Variants in ADGRL3 observed in about 807,000 individuals in gnomAD.
The protein encoded by ADGRL3 is calcium-independent alpha-latrotoxin receptor 3.
A neutral mutation model predicts 153.5 loss-of-function variants in ADGRL3; 62 were observed. The observed-to-expected ratio is 0.40, with a 90% CI of 0.33 to 0.50. The LOEUF (loss-of-function observed/expected upper bound fraction) is 0.50, where lower values mean the gene tolerates loss of function less well. ADGRL3 is among the 20% of genes least tolerant of loss of function. The pLI is 0.47. For missense variants in ADGRL3, 1,641 were observed against 1,859.4 expected (o/e 0.88, Z 2.16); for synonymous variants, 710 against 672.5 (o/e 1.06, Z -0.86).
At chr4:61,558,551 T>G (rs1466700525) in intron 4 of ADGRL3, among the ~76,000 whole-genome samples, 2 of 152,014 alleles carry the variant, frequency 1.3e-5, no homozygotes, top group African/African-American at 4.8e-5. Flanking sequence ...TCTAGATCTC[T>G]TTCTTTTTAA....
chr4:61,349,942 C>G (rs1281667569), intron 1 of ADGRL3, among the ~76,000 whole-genome samples: 2 of 152,126 alleles, frequency 1.3e-5, no homozygotes, highest in Non-Finnish European at 2.9e-5. Context: ...TATAAACATG[C>G]ATTAATTCTT....
At chr4:61,380,187 TCA>T (rs780436695) in intron 1 of ADGRL3, among the ~76,000 whole-genome samples, 1 of 151,998 alleles carries the variant, frequency 6.6e-6, no homozygotes, top group Non-Finnish European at 1.5e-5. Flanking sequence ...AGACACAGAC[TCA>T]CATTTTCTGT....
At chr4:61,229,057 T>A (rs1267587389) in intron 1 of ADGRL3, among the ~76,000 whole-genome samples, 1 of 152,178 alleles carries the variant, frequency 6.6e-6, no homozygotes, top group Non-Finnish European at 1.5e-5. Context: ...ACAGTAAATG[T>A]CCTTTTACTT....
intron 6 of ADGRL3, among the ~76,000 whole-genome samples, chr4:61,701,294 T>C (rs941702789): frequency 3.3e-5 from 5 of 152,138 alleles, no homozygotes; most frequent in African/African-American, 1.2e-4. Flanking sequence ...TAGAATTCTG[T>C]AAGGCAGCCT....
rs1745919285 is a variant in ADGRL3, at chr4:62,072,279, G to T, written c.*1371G>T. The T allele has an allele frequency of 6.6e-6, 1 of 152,492 alleles. No homozygotes were observed. The highest frequency in any genetic ancestry group is 1.5e-5 in the Non-Finnish European group (1 of 68,022). The allele number at this position is 152,492 out of a possible 1,614,324, so 9.4% of individuals were successfully genotyped here. A position where few individuals can be genotyped will look rare whatever the true frequency, so the allele number is the denominator to read the frequency against. ...AAATTTATTTATTTGACAGGATTTT[G>T]AGTAATGTAGGAATACAAAAGGTAA... On this transcript the variant is annotated 3_prime_UTR_variant, in exon 27 of 27. Transcript: ENST00000683033.
rs2098579351 is a variant in ADGRL3 at position 61,891,032 on chromosome 4, G to C, written c.1481-1624G>C. On this transcript the variant is annotated intron_variant, in intron 9 of 26. Coordinates refer to ENST00000683033, the MANE Select transcript of ADGRL3 (RefSeq NM_001387552.1). The stretch of plus-strand genomic sequence containing the variant: ...ACTTAATATTTTGAAATATGTTATT[G>C]AATTTTATGTTGGGATTGTGTTATA... Among the ~76,000 whole-genome samples the C allele has an allele frequency of 2.6e-5, 4 of 152,098 alleles. No homozygotes were observed. In the South Asian group the frequency reaches 8.3e-4, roughly 32 times the overall value.
intron 8 of ADGRL3, among the ~76,000 whole-genome samples, chr4:61,799,875 A>T (rs1163744020): frequency 3.5e-5 from 5 of 144,564 alleles, no homozygotes; most frequent in South Asian, 2.1e-4. Flanking sequence ...ATATATGATT[A>T]AAAAAAAAAT....
At chr4:61,877,246 G>T (rs1480853924) in intron 9 of ADGRL3, among the ~76,000 whole-genome samples, 1 of 152,178 alleles carries the variant, frequency 6.6e-6, no homozygotes, top group Non-Finnish European at 1.5e-5. Flanking sequence ...ACACAACAAC[G>T]TGGGTGGACC....
chr4:61,212,882 C>T (rs565042349), intron 1 of ADGRL3, among the ~76,000 whole-genome samples: 29 of 151,952 alleles, frequency 1.9e-4, no homozygotes, highest in Non-Finnish European at 2.8e-4. Context: ...CAAACTTTTG[C>T]GAGTATTTCT....
intron 15 of ADGRL3, among the ~76,000 whole-genome samples, chr4:61,945,678 G>A (rs1233391668): frequency 2.0e-5 from 3 of 147,974 alleles, no homozygotes; most frequent in South Asian, 2.3e-4. Flanking sequence ...CGCAATATTC[G>A]GGTGGGAGTG....
chr4:61,860,447 C>G (rs934387826), intron 9 of ADGRL3, among the ~76,000 whole-genome samples: 12 of 151,794 alleles, frequency 7.9e-5, no homozygotes, highest in African/African-American at 2.9e-4. Context: ...GAAAAATGAA[C>G]AAATTTGCCC....
rs371382597 is a variant in ADGRL3, at chr4:61,983,460, G to C, written c.3093G>C (p.Val1031=). The change falls in exon 19 of 27, where the codon GTG becomes GTC. Residue 1031 remains valine (V), a synonymous_variant. Coordinates refer to ENST00000683033, the MANE Select transcript of ADGRL3 (RefSeq NM_001387552.1). ...AAFTWMFLEG[V]QLYIMLVEVF... Reference sequence around the variant, plus strand: ...TCACCTGGATGTTCCTGGAGGGGGTGCAGCTTTATATCATGCTGGTGGAGG... The same window carrying C: ...TCACCTGGATGTTCCTGGAGGGGGTCCAGCTTTATATCATGCTGGTGGAGG... 38 of 1,613,828 alleles carry C rather than the reference G, an allele frequency of 2.4e-5. No homozygotes were observed. The highest frequency in any genetic ancestry group is 3.1e-5 in the Non-Finnish European group (36 of 1,179,884).
At chr4:61,541,523 T>G (rs561469927) in intron 4 of ADGRL3, among the ~76,000 whole-genome samples, 1 of 152,078 alleles carries the variant, frequency 6.6e-6, no homozygotes, top group South Asian at 2.1e-4. Flanking sequence ...AAATGAAGTA[T>G]TGACATTCTT....
chr4:61,470,449 A>G (rs1365147501), intron 2 of ADGRL3, among the ~76,000 whole-genome samples: 1 of 152,030 alleles, frequency 6.6e-6, no homozygotes, highest in Non-Finnish European at 1.5e-5. Flanking sequence ...GAGTAACATG[A>G]TTAAATTCTT....
intron 6 of ADGRL3, among the ~76,000 whole-genome samples, chr4:61,703,984 G>A (rs892827647): frequency 1.3e-5 from 2 of 152,078 alleles, no homozygotes; most frequent in African/African-American, 4.8e-5. Context: ...TTGCTGACCA[G>A]CATACTCTTT....
At chr4:61,221,262 T>TA (rs1325035865) in intron 1 of ADGRL3, among the ~76,000 whole-genome samples, 2 of 152,162 alleles carry the variant, frequency 1.3e-5, no homozygotes, top group African/African-American at 4.8e-5. Context: ...ACATGCATAA[T>TA]AAAATAGTAT....
intron 8 of ADGRL3, among the ~76,000 whole-genome samples, chr4:61,785,865 C>A (rs6815347): frequency 0.079 from 11,990 of 152,056 alleles, 540 homozygotes; most frequent in Middle Eastern, 0.14. Flanking sequence ...TAGGAAGAAA[C>A]AGTGGAGCTT....
intron 8 of ADGRL3, among the ~76,000 whole-genome samples, chr4:61,767,627 G>C (rs1442796685): frequency 6.6e-6 from 1 of 152,170 alleles, no homozygotes; most frequent in African/African-American, 2.4e-5. Flanking sequence ...AGCTCTGGGA[G>C]TGGCTGCCAG....
intron 13 of ADGRL3, among the ~76,000 whole-genome samples, chr4:61,916,291 G>T (rs2098744801): frequency 6.6e-6 from 1 of 152,084 alleles, no homozygotes; most frequent in Non-Finnish European, 1.5e-5. Context: ...TTTTAGATTT[G>T]TGTTGAGAAT....
Sources: gnomAD v4.1 joint callset for allele counts (sites outside exome capture counted in the v4.1 genomes callset) on GRCh38, gnomAD v4.1.1 for gene constraint, MANE v1.5 for transcripts, NCBI Gene and HGNC (gene_info 2026-07-23, HGNC 2026-07-21) for gene names.